The following MRTFA variants were observed in gnomAD, a reference collection of about 807,000 sequenced individuals.
MRTFA encodes myocardin-related transcription factor A.
A neutral mutation model predicts 83.5 loss-of-function variants in MRTFA; 20 were observed. That is an observed-to-expected ratio of 0.24 (90% CI 0.17 to 0.35). MRTFA has a LOEUF of 0.35. Among genes scored for constraint, MRTFA ranks in the 10% least tolerant of loss-of-function variants. The pLI is 1.00. For synonymous variants in MRTFA, 659 were observed against 541.2 expected (o/e 1.22, Z -3.02); for missense variants, 1,200 against 1,224.7 (o/e 0.98, Z 0.30).
At chr22:40,435,136 T>C (rs181080203) in intron 5 of MRTFA, among the ~76,000 whole-genome samples, 253 of 152,344 alleles carry the variant, frequency 1.7e-3, no homozygotes, top group Non-Finnish European at 2.9e-3. Flanking sequence ...CTAATGTTTG[T>C]GTCCCAACAT....
At chr22:40,611,854 A>T (rs1322663025) in intron 1 of MRTFA, among the ~76,000 whole-genome samples, 1 of 152,222 alleles carries the variant, frequency 6.6e-6, no homozygotes, top group African/African-American at 2.4e-5. Context: ...AACTAAATTA[A>T]GTCAGTCCAC....
Position 40,419,281 on chromosome 22 carries a change from G to T in MRTFA, c.1457C>A (p.Pro486His), listed in dbSNP as rs902225829. The change falls in exon 12 of 15, where the codon CCT becomes CAT. Residue 486 changes from proline (P) to histidine (H), a missense_variant. This residue lies in a region of MRTFA where 1,107 missense variants were observed against 1,041.8 expected (regional missense o/e 1.06). Coordinates refer to ENST00000355630, the MANE Select transcript of MRTFA (RefSeq NM_020831.6). ...AGGGGCCTTGGGGGCTCCTGGCACA[G>T]GGCTGATTTGGTCTTGATAGGCTCG... 1 of 1,613,682 alleles carries T rather than the reference G, an allele frequency of 6.2e-7. No homozygotes were observed. Among genetic ancestry groups the T allele is most frequent in the African/African-American group, 1.3e-5 (1 of 74,934 alleles).
intron 3 of MRTFA, among the ~76,000 whole-genome samples, chr22:40,514,905 T>C (rs997146647): frequency 1.1e-4 from 16 of 150,958 alleles, no homozygotes; most frequent in Non-Finnish European, 1.6e-4. Context: ...CTCCAATATT[T>C]CTTCCTTTTT....
chr22:40,457,885 AT>A (rs1471652610), intron 4 of MRTFA, among the ~76,000 whole-genome samples: 1 of 152,162 alleles, frequency 6.6e-6, no homozygotes, highest in Non-Finnish European at 1.5e-5. Context: ...CCCTTTTCTG[AT>A]TTGTCTAGGT....
At chr22:40,413,003 G>GGCAC (rs2052591765) in intron 14 of MRTFA, 1 of 151,654 alleles carries the variant, frequency 6.6e-6, no homozygotes, top group African/African-American at 2.4e-5. Flanking sequence ...CGGGCACGGT[G>GGCAC]GTGCACGCCT....
At chr22:40,480,330 C>T (rs1453654355) in intron 3 of MRTFA, among the ~76,000 whole-genome samples, 1 of 151,662 alleles carries the variant, frequency 6.6e-6, no homozygotes, top group East Asian at 1.9e-4. Context: ...CCCAGGCTGG[C>T]CTTGAATTCC....
At chr22:40,451,430 T>C (rs1187008557) in intron 4 of MRTFA, among the ~76,000 whole-genome samples, 1 of 152,210 alleles carries the variant, frequency 6.6e-6, no homozygotes, top group Non-Finnish European at 1.5e-5. Flanking sequence ...TGTTTTGGTA[T>C]GCACGCTTGC....
At chr22:40,576,746 T>C (rs1440031378) in intron 2 of MRTFA, among the ~76,000 whole-genome samples, 3 of 152,130 alleles carry the variant, frequency 2.0e-5, no homozygotes, top group South Asian at 2.1e-4. Context: ...AAACCTCCAA[T>C]ATAATGTATA....
At chr22:40,511,729 A>C (rs2054671298) in intron 3 of MRTFA, among the ~76,000 whole-genome samples, 2 of 152,218 alleles carry the variant, frequency 1.3e-5, no homozygotes, top group Non-Finnish European at 2.9e-5. Flanking sequence ...GCAAGTGCCT[A>C]CTGGTGGCAG....
At chr22:40,629,290 A>G (rs1421914938) in intron 1 of MRTFA, among the ~76,000 whole-genome samples, 1 of 151,484 alleles carries the variant, frequency 6.6e-6, no homozygotes, top group Non-Finnish European at 1.5e-5. Flanking sequence ...CCAAAAATAC[A>G]AAAAAATTAG....
chr22:40,467,629 C>T (rs2053830907), intron 3 of MRTFA, among the ~76,000 whole-genome samples: 1 of 151,914 alleles, frequency 6.6e-6, no homozygotes. Context: ...AAATTTAATA[C>T]ACATCCACTC....
At chr22:40,625,567 C>G (rs1326368225) in intron 1 of MRTFA, among the ~76,000 whole-genome samples, 1 of 152,148 alleles carries the variant, frequency 6.6e-6, no homozygotes, top group Non-Finnish European at 1.5e-5. Flanking sequence ...CACTTGAGGT[C>G]AGGAGTTTGA....
intron 3 of MRTFA, among the ~76,000 whole-genome samples, chr22:40,507,408 G>C (rs1157847368): frequency 6.6e-6 from 1 of 151,670 alleles, no homozygotes; most frequent in Non-Finnish European, 1.5e-5. Flanking sequence ...TGGGCGCCAG[G>C]GCTCACTTAA....
chr22:40,600,660 C>T (rs1020765349), intron 1 of MRTFA, among the ~76,000 whole-genome samples: 20 of 152,170 alleles, frequency 1.3e-4, no homozygotes, highest in African/African-American at 4.6e-4. Context: ...GGTACCATAA[C>T]ATATGCAATA....
At chr22:40,622,209 C>T (rs763066148) in intron 1 of MRTFA, among the ~76,000 whole-genome samples, 3 of 152,026 alleles carry the variant, frequency 2.0e-5, no homozygotes, top group East Asian at 1.9e-4. Context: ...GGGCCGGGCG[C>T]GGTGGCTCAC....
At chr22:40,413,906 TG>T (rs2052618974) in intron 14 of MRTFA, among the ~76,000 whole-genome samples, 2 of 152,210 alleles carry the variant, frequency 1.3e-5, no homozygotes, top group Admixed American at 1.3e-4. Context: ...TAGGATGGCT[TG>T]TATCAAAAAA....
chr22:40,466,488 G>A (rs546226580), intron 3 of MRTFA, among the ~76,000 whole-genome samples: 11 of 152,260 alleles, frequency 7.2e-5, no homozygotes, highest in Admixed American at 2.0e-4. Context: ...CTGATCATAT[G>A]CAATGTGCCT....
chr22:40,421,510 T>TG (rs917770959), intron 9 of MRTFA, among the ~76,000 whole-genome samples: 3 of 152,174 alleles, frequency 2.0e-5, no homozygotes, highest in African/African-American at 7.2e-5. Flanking sequence ...TTTTTGGGGC[T>TG]GGGGGGAATT....
rs141004889 is a variant in MRTFA, at chr22:40,480,607, C to A, written c.242-17321G>T. Among the ~76,000 whole-genome samples the A allele has an allele frequency of 3.3e-5, 5 of 152,110 alleles. No homozygotes were observed. In the East Asian group the frequency reaches 9.6e-4, roughly 29 times the overall value. On this transcript the variant is annotated intron_variant, in intron 3 of 14. Coordinates refer to ENST00000355630, the MANE Select transcript of MRTFA (RefSeq NM_020831.6). The stretch of plus-strand genomic sequence containing the variant: ...TGAAAACAATGCTTATGTTCTAATT[C>A]CAAAAGGAATCGAGATTTTAACAGG...
Sources: allele counts gnomAD v4.1 joint callset (sites outside exome capture counted in the v4.1 genomes callset), GRCh38; gene constraint gnomAD v4.1.1; regional missense constraint gnomAD v4.1.1; transcripts MANE v1.5; gene names NCBI Gene and HGNC (gene_info 2026-07-23, HGNC 2026-07-21).